Variants in SELENOF observed in about 807,000 individuals in gnomAD.
The protein encoded by SELENOF is 15 kDa selenoprotein.
SELENOF carries 16 observed loss-of-function variants against 20.5 expected under a neutral mutation model. That is an observed-to-expected ratio of 0.78 (90% CI 0.53 to 1.19). The LOEUF (loss-of-function observed/expected upper bound fraction) is 1.19, where lower values mean the gene tolerates loss of function less well. SELENOF is among the 50% of genes most tolerant of loss of function. SELENOF has a pLI of 0.00. For synonymous variants in SELENOF, 78 were observed against 74.5 expected (o/e 1.05, Z -0.24); for missense variants, 215 against 194.2 (o/e 1.11, Z -0.64).
At chr1:86,914,329 T>C (rs1660080923), upstream of SELENOF, 1 of 582,130 alleles carries the variant, frequency 1.7e-6, no homozygotes, top group African/African-American at 1.9e-5. Context: ...ACTCCCCACT[T>C]CTTTACTTCT....
At chr1:86,890,388 T>TA (rs1448604243) in intron 2 of SELENOF, among the ~76,000 whole-genome samples, 2 of 152,164 alleles carry the variant, frequency 1.3e-5, no homozygotes, top group Admixed American at 6.5e-5. Flanking sequence ...TGAATTCTTT[T>TA]AAAAAAATCA....
chr1:86,900,832 C>A (rs546552135), intron 2 of SELENOF, among the ~76,000 whole-genome samples: 1 of 152,076 alleles, frequency 6.6e-6, no homozygotes, highest in Non-Finnish European at 1.5e-5. Flanking sequence ...GCCATCACAC[C>A]CGAGTTGACT....
chr1:86,868,115 GAA>G lies in SELENOF; in HGVS notation c.317-15_317-14del, dbSNP rs746781758. ...CTCCTAACAAAAGCTTATAAAAAAA[GAA>G]AAAAAGATTCAGTAGTTCACTTCCA... On this transcript the variant is annotated splice_polypyrimidine_tract_variant and intron_variant, in intron 3 of 4. Coordinates refer to ENST00000331835, the MANE Select transcript of SELENOF (RefSeq NM_004261.5). The G allele has an allele frequency of 1.0e-5, 14 of 1,402,060 alleles. No homozygotes were observed. Among genetic ancestry groups the G allele is most frequent in the Non-Finnish European group, 1.4e-5 (14 of 1,024,086 alleles). 86.9% of individuals were successfully genotyped at this position (1,402,060 alleles called of 1,614,324 possible). A position where few individuals can be genotyped will look rare whatever the true frequency, so the allele number is the denominator to read the frequency against.
At chr1:86,903,218 C>T in intron 2 of SELENOF, 63 bp downstream of exon 2, 1 of 1,427,090 alleles carries the variant, frequency 7.0e-7, no homozygotes, top group Non-Finnish European at 9.5e-7. Flanking sequence ...GATTAAGCAA[C>T]TTACATTTTT....
At chr1:86,882,062 T>A (rs1049146573) in intron 2 of SELENOF, among the ~76,000 whole-genome samples, 71 of 151,750 alleles carry the variant, frequency 4.7e-4, no homozygotes, top group African/African-American at 1.6e-3. Context: ...TGAAACCCCG[T>A]CACTACTAAA....
At chr1:86,912,546 T>C (rs1660011456) in intron 1 of SELENOF, among the ~76,000 whole-genome samples, 1 of 152,166 alleles carries the variant, frequency 6.6e-6, no homozygotes, top group Admixed American at 6.5e-5. Flanking sequence ...ATGGAAGTAA[T>C]ATATGTGATT....
chr1:86,908,431 A>G (rs1449904587), intron 1 of SELENOF, among the ~76,000 whole-genome samples: 2 of 152,244 alleles, frequency 1.3e-5, no homozygotes, highest in East Asian at 3.8e-4. Flanking sequence ...TGTTATCACC[A>G]TTTTATAAAG....
At chr1:86,871,307 T>C (rs1658760604) in intron 3 of SELENOF, among the ~76,000 whole-genome samples, 1 of 152,300 alleles carries the variant, frequency 6.6e-6, no homozygotes, top group South Asian at 2.1e-4. Context: ...ATAAGTACTC[T>C]AAGTTCAGAG....
chr1:86,873,181 T>C (rs1023245154), intron 3 of SELENOF, among the ~76,000 whole-genome samples: 3 of 151,666 alleles, frequency 2.0e-5, no homozygotes, highest in Non-Finnish European at 4.4e-5. Context: ...TGTTTGAACC[T>C]GGGAGGCAGA....
chr1:86,899,746 C>T (rs1374615467), intron 2 of SELENOF, among the ~76,000 whole-genome samples: 1 of 151,380 alleles, frequency 6.6e-6, no homozygotes, highest in African/African-American at 2.4e-5. Context: ...TCCTCACTTC[C>T]CAGACGGGGT....
chr1:86,900,837 T>A (rs560865373), intron 2 of SELENOF, among the ~76,000 whole-genome samples: 1 of 152,158 alleles, frequency 6.6e-6, no homozygotes, highest in South Asian at 2.1e-4. Flanking sequence ...CACACCCGAG[T>A]TGACTTTTAA....
chr1:86,868,686 G>C (rs1225885562), intron 3 of SELENOF, among the ~76,000 whole-genome samples: 2 of 151,902 alleles, frequency 1.3e-5, no homozygotes, highest in African/African-American at 4.8e-5. Context: ...GAACTAATGA[G>C]TCATGATAAC....
chr1:86,883,146 C>T (rs140149757), intron 2 of SELENOF, among the ~76,000 whole-genome samples: 3 of 150,736 alleles, frequency 2.0e-5, no homozygotes, highest in East Asian at 1.9e-4. Context: ...AAAAAAAATT[C>T]GGACACATAT....
At chr1:86,901,197 A>T (rs1423971381) in intron 2 of SELENOF, among the ~76,000 whole-genome samples, 1 of 152,194 alleles carries the variant, frequency 6.6e-6, no homozygotes, top group Admixed American at 6.5e-5. Context: ...ATTAAGCCTT[A>T]AGCCAGAGTT....
At chr1:86,902,229 C>T (rs1307610797) in intron 2 of SELENOF, among the ~76,000 whole-genome samples, 1 of 152,086 alleles carries the variant, frequency 6.6e-6, no homozygotes, top group Non-Finnish European at 1.5e-5. Flanking sequence ...ATCTTCTAAA[C>T]ATTAAAATGT....
intron 2 of SELENOF, among the ~76,000 whole-genome samples, chr1:86,899,397 G>A (rs539390992): frequency 0.01 from 1,317 of 128,304 alleles, 111 homozygotes; most frequent in Non-Finnish European, 0.017. Context: ...CGGACGGGAC[G>A]GCTGGCCGGG....
At chr1:86,880,563 C>T (rs1659042067) in intron 3 of SELENOF, 99 bp downstream of exon 3, 1 of 611,242 alleles carries the variant, frequency 1.6e-6, no homozygotes, top group Non-Finnish European at 2.7e-6. Context: ...AAAGTATAAT[C>T]CTAAAAATTC....
chr1:86,884,012 T>A (rs186034882), intron 2 of SELENOF, among the ~76,000 whole-genome samples: 2 of 152,324 alleles, frequency 1.3e-5, no homozygotes, highest in Admixed American at 1.3e-4. Flanking sequence ...ATTTTCCTAG[T>A]AAACTTTCAC....
At chr1:86,880,631 T>C (rs1368414734) in intron 3 of SELENOF, 31 bp downstream of exon 3, 4 of 1,277,120 alleles carry the variant, frequency 3.1e-6, no homozygotes, top group Non-Finnish European at 4.4e-6. Context: ...TTTAAATGAC[T>C]GAACAGTTTA....
Sources: gnomAD v4.1 joint callset for allele counts (sites outside exome capture counted in the v4.1 genomes callset) on GRCh38, gnomAD v4.1.1 for gene constraint, MANE v1.5 for transcripts, NCBI Gene and HGNC (gene_info 2026-07-23, HGNC 2026-07-21) for gene names.